Variants in IL9R observed in about 807,000 individuals in gnomAD.
IL9R encodes the protein interleukin 9 receptor, also known as interleukin-9 receptor.
A neutral mutation model predicts 56.3 loss-of-function variants in IL9R; 54 were observed. The observed-to-expected ratio is 0.96, with a 90% confidence interval of 0.77 to 1.20. IL9R has a LOEUF of 1.20. Among genes scored for constraint, IL9R ranks in the 50% most tolerant of loss-of-function variants. The probability of loss-of-function intolerance (pLI) is 0.00; values close to 1 mark genes in which losing one functional copy is unlikely to be tolerated. For missense variants in IL9R, 545 were observed against 629.8 expected (o/e 0.87, Z 1.44); for synonymous variants, 212 against 250.2 (o/e 0.85, Z 1.44).
chrX:156,009,087 GTGTGTGTGTC>G lies in IL9R; in HGVS notation c.973-719_973-710del, dbSNP rs2068237086. On this transcript the variant is annotated intron_variant, in intron 8 of 8. Transcript: ENST00000244174. ...TGTGTGTGTGTCTGTGTGTGTTTGT[GTGTGTGTGTC>G]TGTGTGTGTGTTTATGTGTCTGTGT... is the stretch of plus-strand genomic sequence containing the variant. Among the ~76,000 whole-genome samples the G allele has an allele frequency of 4.2e-5, 6 of 143,628 alleles. No homozygotes were observed. The South Asian group carries it at 1.3e-3, about 30-fold the overall frequency. 94.2% of individuals were successfully genotyped at this position (143,628 alleles called of 152,430 possible).
chrX:156,009,776 T>A, intron 8 of IL9R, 40 bp from the exon 9 acceptor site: 2 of 1,027,414 alleles, frequency 1.9e-6, no homozygotes. Context: ...GTTCTGAACA[T>A]GCTACCTGAG....
intron 7 of IL9R, among the ~76,000 whole-genome samples, chrX:156,006,840 G>C (rs2068000580): frequency 2.0e-5 from 3 of 150,784 alleles, no homozygotes; most frequent in Non-Finnish European, 4.4e-5. Context: ...TTGAGGAATA[G>C]ATTGCTGGGA....
At chrX:156,004,595 C>T in intron 5 of IL9R, 30 bp downstream of exon 5, 2 of 1,609,392 alleles carry the variant, frequency 1.2e-6, no homozygotes, top group Non-Finnish European at 1.7e-6. Context: ...TCCCTGGGGG[C>T]CTCTCTCCTG....
At chrX:156,008,933 TTGTG>T (rs1446491570) in intron 8 of IL9R, among the ~76,000 whole-genome samples, 5 of 114,238 alleles carry the variant, frequency 4.4e-5, no homozygotes, top group African/African-American at 1.8e-4. Flanking sequence ...GTGTGTGTGT[TTGTG>T]TGTGTATGTC....
chrX:156,004,656 T>C (rs1222705529), intron 5 of IL9R, 91 bp downstream of exon 5: 6 of 1,322,106 alleles, frequency 4.5e-6, no homozygotes, highest in Non-Finnish European at 5.4e-6. Flanking sequence ...AGATGTCAAC[T>C]TGTAGTGATG....
intron 7 of IL9R, 97 bp from the exon 8 acceptor site, chrX:156,007,426 G>A: frequency 2.4e-6 from 2 of 823,278 alleles, no homozygotes; most frequent in Non-Finnish European, 4.2e-6. Context: ...GGACGAGGTG[G>A]GCGGACCTCC....
At chrX:156,009,336 TTGTGTG>T (rs1208218710) in intron 8 of IL9R, among the ~76,000 whole-genome samples, 1 of 134,564 alleles carries the variant, frequency 7.4e-6, no homozygotes, top group Non-Finnish European at 1.6e-5. Context: ...CTGTGTGTGT[TTGTGTG>T]TGTGTGTCTC....
chrX:155,999,815 C>A (rs934867473), intron 1 of IL9R, among the ~76,000 whole-genome samples: 1 of 152,094 alleles, frequency 6.6e-6, no homozygotes, highest in African/African-American at 2.4e-5. Flanking sequence ...CCAGACCCTT[C>A]CCCGCCCCCA....
At position 156,001,417 on chromosome X, in the gene IL9R, C is replaced by T. The variant is rs1255427576; in HGVS notation, c.29-1489C>T. 5 of 1,609,336 alleles carry T rather than the reference C, an allele frequency of 3.1e-6. No homozygotes were observed. The highest frequency in any genetic ancestry group is 1.1e-5 in the South Asian group (1 of 90,944). On this transcript the variant is annotated intron_variant, in intron 1 of 8. Transcript: ENST00000244174. ...ATTCCCACCTTTCCAGTAACTGCTG[C>T]AAGAACGGACAGACACTGCTGCAGA...
intron 1 of IL9R, among the ~76,000 whole-genome samples, chrX:156,002,167 C>G (rs373278543): frequency 6.7e-6 from 1 of 149,814 alleles, no homozygotes; most frequent in Non-Finnish European, 1.5e-5. Context: ...CATGGTGAAA[C>G]CCCGTCTCTA....
intron 1 of IL9R, among the ~76,000 whole-genome samples, chrX:156,000,928 G>A (rs192732423): frequency 8.5e-5 from 13 of 152,288 alleles, no homozygotes; most frequent in African/African-American, 2.9e-4. Context: ...CCAGGTCTCT[G>A]AGCCTCAGTT....
At chrX:156,002,590 G>C (rs1208287786) in intron 1 of IL9R, among the ~76,000 whole-genome samples, 3 of 152,232 alleles carry the variant, frequency 2.0e-5, no homozygotes, top group Non-Finnish European at 4.4e-5. Context: ...GAGGATGACT[G>C]TCCCAGAGAG....
In IL9R at chrX:156,003,858, G is replaced by A; in HGVS notation, c.433+3G>A. On this transcript the variant is annotated splice_donor_region_variant and intron_variant, in intron 4 of 8. Transcript: ENST00000244174. ...GGAGTACCTGCCCCGGAGACACGGT[G>A]AGCAGCAGCTATAGGTCTGGGGCGG... The A allele has an allele frequency of 5.6e-6, 9 of 1,613,890 alleles. No homozygotes were observed. Among genetic ancestry groups the A allele is most frequent in the Non-Finnish European group, 5.9e-6 (7 of 1,179,858 alleles).
intron 1 of IL9R, 64 bp downstream of exon 1, chrX:155,997,851 G>T (rs1383998422): frequency 3.1e-5 from 46 of 1,481,528 alleles, no homozygotes; most frequent in East Asian, 4.6e-5. Flanking sequence ...GGCAGAGAGG[G>T]ACATGTGGCC....
In IL9R at chrX:156,003,729, A is replaced by G. The variant is rs746266336; in HGVS notation, c.307A>G (p.Thr103Ala). Residue 103 changes from threonine (T) to alanine (A), a missense_variant, in exon 4 of 9, where the codon ACC becomes GCC. By Grantham distance (58) the Thr-to-Ala change is moderately conservative. This residue lies in a region of IL9R where 431 missense variants were observed against 360.0 expected (regional missense o/e 1.20). Coordinates refer to ENST00000244174, the MANE Select transcript of IL9R (RefSeq NM_002186.3). ...GTGCATCTTGCGGGGCAGTGAGTGC[A>G]CCGTCGTGCTGCCACCTGAGGCAGT... Reference protein sequence around the residue: ...HKCILRGSECTVVLPPEAVLV... With the variant: ...HKCILRGSECAVVLPPEAVLV... 1.2e-4 allele frequency: 189 copies of G among 1,613,696 alleles called. No homozygotes were observed. The Admixed American group carries it at 1.2e-3, about 10-fold the overall frequency.
At position 156,004,578 on chromosome X, in the gene IL9R, C is replaced by G. The variant is rs2067781301; in HGVS notation, c.579+13C>G. On this transcript the variant is annotated intron_variant, in intron 5 of 8. Coordinates refer to ENST00000244174, the MANE Select transcript of IL9R (RefSeq NM_002186.3). ...AGAGGCCTGGGAGGTAACACTTTGG[C>G]TGGCTTTCCCTGGGGGCCTCTCTCC... 2 of 1,611,796 alleles carry G rather than the reference C, an allele frequency of 1.2e-6. No individual in the cohort carries two copies. The highest frequency in any genetic ancestry group is 1.7e-6 in the Non-Finnish European group (2 of 1,179,732).
rs757003765 is a variant in IL9R, at chrX:156,005,355, C to T, written c.657C>T (p.Ile219=). 2 of 1,612,618 alleles carry T rather than the reference C, an allele frequency of 1.2e-6. No individual in the cohort carries two copies. Among genetic ancestry groups the T allele is most frequent in the South Asian group, 2.2e-5 (2 of 90,988 alleles). Residue 219 remains isoleucine, a synonymous_variant, in exon 6 of 9, where the codon ATC becomes ATT. Coordinates refer to ENST00000244174, the MANE Select transcript of IL9R (RefSeq NM_002186.3). The part of the protein sequence containing the change: ...LEAFELDPGF[I]HEARLRVQMA... ...CCTTTGAGCTGGACCCTGGCTTTAT[C>T]CATGAGGCCAGGCTGCGTGTCCAGA...
At chrX:156,009,415 GTGTT>G (rs1369419130) in intron 8 of IL9R, among the ~76,000 whole-genome samples, 3 of 144,946 alleles carry the variant, frequency 2.1e-5, no homozygotes, top group East Asian at 1.9e-4. Flanking sequence ...GTGTGTGTGT[GTGTT>G]TGTGTATGTT....
intron 1 of IL9R, 38 bp from the exon 2 acceptor site, chrX:156,002,868 G>GA: frequency 6.2e-7 from 1 of 1,613,142 alleles, no homozygotes; most frequent in East Asian, 2.2e-5. Context: ...TCCAGAGAGG[G>GA]ATGATTTGCA....
Sources: gnomAD v4.1 joint callset for allele counts (sites outside exome capture counted in the v4.1 genomes callset) on GRCh38, gnomAD v4.1.1 for gene constraint, gnomAD v4.1.1 regional missense constraint, MANE v1.5 for transcripts, NCBI Gene and HGNC (gene_info 2026-07-23, HGNC 2026-07-21) for gene names.